The following MYO5B variants were observed in gnomAD, a reference collection of about 807,000 sequenced individuals.
MYO5B encodes the protein myosin VB, also known as unconventional myosin-Vb.
Under a neutral mutation model 229.3 loss-of-function variants are expected in MYO5B, and 143 were observed. The observed-to-expected ratio is 0.62, with a 90% CI of 0.54 to 0.72. The LOEUF is 0.72. Ranked by LOEUF, MYO5B falls within the 30% of genes least tolerant of loss-of-function variation. MYO5B has a pLI of 0.00. For missense variants in MYO5B, 2,321 were observed against 2,331.0 expected, an observed-to-expected ratio of 1.00 and a Z score of 0.09; for synonymous variants, 918 against 885.2, an observed-to-expected ratio of 1.04 and a Z score of -0.66.
intron 10 of MYO5B, among the ~76,000 whole-genome samples, chr18:49,963,665 T>C (rs2025589299): frequency 6.6e-6 from 1 of 152,128 alleles, no homozygotes; most frequent in South Asian, 2.1e-4. Flanking sequence ...TGGGCTCAAG[T>C]GATCCATCCA....
intron 17 of MYO5B, among the ~76,000 whole-genome samples, chr18:49,920,101 A>C (rs1256496674): frequency 6.6e-6 from 1 of 152,230 alleles, no homozygotes; most frequent in Non-Finnish European, 1.5e-5. Flanking sequence ...TGAAAAATCC[A>C]AACTAGGCAA....
chr18:50,074,286 G>C (rs1185555234), intron 1 of MYO5B, among the ~76,000 whole-genome samples: 2 of 152,138 alleles, frequency 1.3e-5, no homozygotes, highest in African/African-American at 4.8e-5. Flanking sequence ...CTTCCCCTGG[G>C]TCCCTCCCAC....
At chr18:49,981,371 C>A (rs2025812624) in intron 8 of MYO5B, among the ~76,000 whole-genome samples, 1 of 152,132 alleles carries the variant, frequency 6.6e-6, no homozygotes. Flanking sequence ...ATTTTTAAGG[C>A]AATATTTTAT....
chr18:49,966,187 G>C (rs1194437063), intron 10 of MYO5B, among the ~76,000 whole-genome samples: 1 of 152,106 alleles, frequency 6.6e-6, no homozygotes. Context: ...CTCCCACCCT[G>C]GTGCTCACCT....
chr18:49,939,675 G>A (rs1299793197), intron 14 of MYO5B, among the ~76,000 whole-genome samples: 1 of 152,172 alleles, frequency 6.6e-6, no homozygotes, highest in Non-Finnish European at 1.5e-5. Context: ...GCTCTCAAAG[G>A]GCTGCTAGTC....
At chr18:49,951,639 C>T (rs1341885055) in intron 14 of MYO5B, among the ~76,000 whole-genome samples, 1 of 152,142 alleles carries the variant, frequency 6.6e-6, no homozygotes, top group African/African-American at 2.4e-5. Flanking sequence ...GCTCAGAAAT[C>T]AACACAATGG....
intron 1 of MYO5B, among the ~76,000 whole-genome samples, chr18:50,109,222 AC>A (rs1436656128): frequency 2.0e-5 from 3 of 152,214 alleles, no homozygotes; most frequent in Non-Finnish European, 4.4e-5. Flanking sequence ...ACTAGAAGCT[AC>A]ATGACAGACC....
chr18:50,055,225 G>GGGCCCCCC, intron 2 of MYO5B, 43 bp downstream of exon 2: 10 of 700,370 alleles, frequency 1.4e-5, no homozygotes, highest in Non-Finnish European at 1.9e-5. Flanking sequence ...TGAGCTCCCT[G>GGGCCCCCC]CCCCACCTCA....
Position 49,920,128 on chromosome 18 carries a change from A to G in MYO5B, c.2091-7955T>C, listed in dbSNP as rs114789660. Among the ~76,000 whole-genome samples the G allele has an allele frequency of 4.0e-3, 609 of 152,336 alleles. 5 individuals are homozygous for G. The highest frequency in any genetic ancestry group is 0.014 in the African/African-American group (571 of 41,572). On this transcript the variant is annotated intron_variant, in intron 17 of 39. Coordinates refer to ENST00000285039, the MANE Select transcript of MYO5B (RefSeq NM_001080467.3). ...ACTAGGCAAATCTATAGAAATAGAA[A>G]GTAGGTTAGCGCTTGCCAGGGGCTG...
chr18:49,931,742 G>C (rs2025195259), intron 16 of MYO5B, among the ~76,000 whole-genome samples: 1 of 152,184 alleles, frequency 6.6e-6, no homozygotes, highest in African/African-American at 2.4e-5. Flanking sequence ...GTGATCAGAA[G>C]CCTTCGGGCT....
At chr18:49,967,532 G>A (rs1337919386) in intron 10 of MYO5B, among the ~76,000 whole-genome samples, 1 of 152,206 alleles carries the variant, frequency 6.6e-6, no homozygotes, top group Admixed American at 6.5e-5. Flanking sequence ...TGAAAAGATG[G>A]ACTACAGATT....
chr18:49,911,172 G>C (rs1228193032), intron 18 of MYO5B, among the ~76,000 whole-genome samples: 1 of 152,204 alleles, frequency 6.6e-6, no homozygotes, highest in African/African-American at 2.4e-5. Flanking sequence ...CTCCACATCA[G>C]AGCCCTTACC....
At chr18:49,884,777 T>C (rs1001653385) in intron 22 of MYO5B, among the ~76,000 whole-genome samples, 3 of 152,020 alleles carry the variant, frequency 2.0e-5, no homozygotes, top group African/African-American at 4.8e-5. Context: ...TATATAAAAA[T>C]CACTTGCAAC....
chr18:50,073,055 C>T (rs2030995408), intron 1 of MYO5B, among the ~76,000 whole-genome samples: 1 of 152,166 alleles, frequency 6.6e-6, no homozygotes, highest in South Asian at 2.1e-4. Flanking sequence ...AAGGGACTCT[C>T]ACCTAATCCT....
chr18:49,886,639 C>T (rs1266855584), intron 22 of MYO5B, among the ~76,000 whole-genome samples: 1 of 49,686 alleles, frequency 2.0e-5, no homozygotes. Context: ...TTTATTTTGC[C>T]AAATAACATT....
At chr18:50,099,756 G>A (rs2031619938) in intron 1 of MYO5B, among the ~76,000 whole-genome samples, 1 of 152,212 alleles carries the variant, frequency 6.6e-6, no homozygotes, top group South Asian at 2.1e-4. Context: ...ATAGTTAGCT[G>A]AGAAATACAC....
At chr18:50,081,330 C>T (rs1037576071) in intron 1 of MYO5B, among the ~76,000 whole-genome samples, 1 of 152,200 alleles carries the variant, frequency 6.6e-6, no homozygotes, top group Non-Finnish European at 1.5e-5. Flanking sequence ...GGAGGCTGCC[C>T]AACCCTTAGG....
At chr18:50,092,378 G>C (rs753486382) in intron 1 of MYO5B, among the ~76,000 whole-genome samples, 30 of 152,180 alleles carry the variant, frequency 2.0e-4, no homozygotes, top group Non-Finnish European at 3.8e-4. Flanking sequence ...GATTACAAAA[G>C]GTTGAGGGAC....
rs144900747 is a variant in MYO5B at position 49,854,534 on chromosome 18, C to T, written c.4023-887G>A. Among the ~76,000 whole-genome samples the T allele has an allele frequency of 9.2e-3, 1,407 of 152,300 alleles. 38 individuals carry two copies. The South Asian group carries it at 0.12, about 13-fold the overall frequency. On this transcript the variant is annotated intron_variant, in intron 30 of 39. Transcript: ENST00000285039. ...GACTTAGTTACTTAAACCAGCTTTC[C>T]GATTCAGTGCAGCAGGCTTCATATG...
Sources: gnomAD v4.1 joint callset for allele counts (sites outside exome capture counted in the v4.1 genomes callset) on GRCh38, gnomAD v4.1.1 for gene constraint, MANE v1.5 for transcripts, NCBI Gene and HGNC (gene_info 2026-07-23, HGNC 2026-07-21) for gene names.